KSR2: variants seen among roughly 807,000 people sequenced by gnomAD.
KSR2 encodes the protein kinase suppressor of ras 2.
KSR2 carries 25 observed loss-of-function variants against 107.8 expected under a neutral mutation model. The ratio of observed to expected loss-of-function variants is 0.23; its 90% CI spans 0.17 to 0.32. The LOEUF (loss-of-function observed/expected upper bound fraction) is 0.32, where lower values mean the gene tolerates loss of function less well. Ranked by LOEUF, KSR2 falls within the 10% of genes least tolerant of loss-of-function variation. The pLI is 1.00. For synonymous variants in KSR2, 480 were observed against 507.0 expected (o/e 0.95, Z 0.71); for missense variants, 887 against 1,268.9 (o/e 0.70, Z 4.57).
At chr12:117,879,576 G>C (rs1242584098) in intron 1 of KSR2, among the ~76,000 whole-genome samples, 2 of 152,188 alleles carry the variant, frequency 1.3e-5, no homozygotes, top group Non-Finnish European at 2.9e-5. Flanking sequence ...AATTAGCCAG[G>C]TGTGGTGGCA....
chr12:117,597,264 C>T (rs1188795238), intron 5 of KSR2, among the ~76,000 whole-genome samples: 2 of 152,158 alleles, frequency 1.3e-5, no homozygotes, highest in East Asian at 1.9e-4. Context: ...AGGTGCTAAT[C>T]GCTGGAATCA....
Position 117,761,009 on chromosome 12 carries a change from A to T in KSR2, c.986+2T>A, listed in dbSNP as rs2136867466. 6.2e-7 allele frequency: 1 copy of T among 1,613,352 alleles called. No homozygotes were observed. The highest frequency in any genetic ancestry group is 8.5e-7 in the Non-Finnish European group (1 of 1,179,644). On this transcript the variant is annotated splice_donor_variant, in intron 4 of 19. Transcript: ENST00000339824. LOFTEE classifies it high-confidence loss of function. ...CCCAGGGCACCCACCGATCGCACTC[A>T]CTTGGGCGTGTGGGCCTCGTCCACG...
At position 117,555,243 on chromosome 12, in the gene KSR2, G is replaced by T. The variant is rs754867135; in HGVS notation, c.1444C>A (p.Pro482Thr). Reference sequence around the variant, plus strand: ...GAATAGCGAGGTGGCTTCCGTAGAGGGTTGTTGATGTCACACGGAACGGAC... The same window carrying T: ...GAATAGCGAGGTGGCTTCCGTAGAGTGTTGTTGATGTCACACGGAACGGAC... ...TESVPCDINN[P>T]LRKPPRYSDL... Residue 482 changes from proline (P) to threonine (T), a missense_variant, in exon 9 of 20, where the codon CCT becomes ACT. By Grantham distance (38) the Pro-to-Thr change is conservative. This residue lies in a region of KSR2 where 60 missense variants were observed against 77.5 expected (regional missense o/e 0.77). Transcript: ENST00000339824. The T allele has an allele frequency of 1.2e-6, 2 of 1,613,818 alleles. No homozygotes were observed. The highest frequency in any genetic ancestry group is 1.7e-6 in the Non-Finnish European group (2 of 1,179,750).
At chr12:117,579,071 G>A (rs1341513580) in intron 7 of KSR2, 48 bp downstream of exon 7, 2 of 1,349,218 alleles carry the variant, frequency 1.5e-6, no homozygotes, top group Admixed American at 1.8e-5. Context: ...CATGGTTCTA[G>A]CTGACATCGG....
intron 14 of KSR2, among the ~76,000 whole-genome samples, chr12:117,516,935 C>T (rs1874413091): frequency 6.6e-6 from 1 of 152,162 alleles, no homozygotes; most frequent in Non-Finnish European, 1.5e-5. Context: ...GTCTTCTTTG[C>T]AGTTAGGTAT....
chr12:117,591,915 A>G (rs1880343196), intron 5 of KSR2, among the ~76,000 whole-genome samples: 1 of 151,848 alleles, frequency 6.6e-6, no homozygotes, highest in Non-Finnish European at 1.5e-5. Flanking sequence ...AGGCTGAGGC[A>G]TGAGAATCGC....
intron 3 of KSR2, among the ~76,000 whole-genome samples, chr12:117,845,941 T>C: frequency 6.6e-6 from 1 of 151,664 alleles, no homozygotes; most frequent in East Asian, 1.9e-4. Context: ...CCACCCTCCT[T>C]GGCCTCTCAG....
intron 4 of KSR2, among the ~76,000 whole-genome samples, chr12:117,749,069 C>G (rs1440081009): frequency 6.8e-6 from 1 of 147,614 alleles, no homozygotes; most frequent in Admixed American, 6.8e-5. Flanking sequence ...CAACACCAAG[C>G]CCCTGACATT....
intron 7 of KSR2, among the ~76,000 whole-genome samples, chr12:117,570,041 T>C (rs868832370): frequency 3.3e-5 from 5 of 151,762 alleles, no homozygotes; most frequent in African/African-American, 9.7e-5. Flanking sequence ...CTCGCTCTGT[T>C]GCCCAGGCTG....
chr12:117,719,851 A>G (rs1353962921), intron 4 of KSR2, among the ~76,000 whole-genome samples: 1 of 152,230 alleles, frequency 6.6e-6, no homozygotes, highest in Non-Finnish European at 1.5e-5. Flanking sequence ...ATATGAACAG[A>G]GTCTGAGAAT....
intron 1 of KSR2, among the ~76,000 whole-genome samples, chr12:117,895,666 G>A (rs760360388): frequency 1.1e-4 from 17 of 152,286 alleles, no homozygotes; most frequent in Admixed American, 2.6e-4. Flanking sequence ...CTGTGGAAAC[G>A]TTTAGCAGTT....
intron 3 of KSR2, among the ~76,000 whole-genome samples, chr12:117,841,355 C>T (rs575319022): frequency 2.0e-5 from 3 of 152,242 alleles, no homozygotes; most frequent in Non-Finnish European, 4.4e-5. Context: ...CCCTCAGGAC[C>T]GTGGCTGGGA....
intron 5 of KSR2, among the ~76,000 whole-genome samples, chr12:117,659,761 A>G (rs973128076): frequency 6.6e-6 from 1 of 152,222 alleles, no homozygotes; most frequent in East Asian, 1.9e-4. Context: ...TAGAACAGAG[A>G]TTAAAAATTG....
At chr12:117,745,796 C>T (rs767087165) in intron 4 of KSR2, among the ~76,000 whole-genome samples, 8 of 152,030 alleles carry the variant, frequency 5.3e-5, no homozygotes, top group Non-Finnish European at 8.8e-5. Flanking sequence ...AATAGACAAG[C>T]AGAGAGCCAA....
Position 117,460,202 on chromosome 12 carries a change from T to C in KSR2, c.*6997A>G, listed in dbSNP as rs576505183. ...TAGATCAGGCACATTCTAGACAGAG[T>C]CCATCTCCTCCAGCTCAGTCCTCAG... is the stretch of plus-strand genomic sequence containing the variant. On this transcript the variant is annotated 3_prime_UTR_variant, in exon 20 of 20. Coordinates refer to ENST00000339824, the MANE Select transcript of KSR2 (RefSeq NM_173598.6). 5 of 151,826 alleles carry C rather than the reference T, an allele frequency of 3.3e-5. No homozygotes were observed. The East Asian group carries it at 9.7e-4, about 29-fold the overall frequency. 9.4% of individuals were successfully genotyped at this position (151,826 alleles called of 1,614,324 possible). A position where few individuals can be genotyped will look rare whatever the true frequency, so the allele number is the denominator to read the frequency against.
chr12:117,755,793 G>T (rs76036592), intron 4 of KSR2, among the ~76,000 whole-genome samples: 4 of 152,320 alleles, frequency 2.6e-5, no homozygotes, highest in Non-Finnish European at 5.9e-5. Context: ...ATGCCAAATG[G>T]TCAAGTTGTG....
chr12:117,875,534 CT>C (rs1157124614), intron 1 of KSR2, among the ~76,000 whole-genome samples: 1 of 151,994 alleles, frequency 6.6e-6, no homozygotes, highest in Non-Finnish European at 1.5e-5. Flanking sequence ...TGGAACAGGG[CT>C]GGCCTTATGG....
At chr12:117,550,567 T>C in intron 9 of KSR2, among the ~76,000 whole-genome samples, 1 of 152,066 alleles carries the variant, frequency 6.6e-6, no homozygotes, top group East Asian at 1.9e-4. Flanking sequence ...AATGATGAGA[T>C]AGGCCATTAG....
chr12:117,609,560 G>A (rs1176092312), intron 5 of KSR2, among the ~76,000 whole-genome samples: 1 of 152,212 alleles, frequency 6.6e-6, no homozygotes, highest in Non-Finnish European at 1.5e-5. Context: ...AAATTTATAT[G>A]AAATTCTAAT....
Sources: gnomAD v4.1 joint callset for allele counts (sites outside exome capture counted in the v4.1 genomes callset) on GRCh38, gnomAD v4.1.1 for gene constraint, gnomAD v4.1.1 regional missense constraint, MANE v1.5 for transcripts, NCBI Gene and HGNC (gene_info 2026-07-23, HGNC 2026-07-21) for gene names.